The following KAZN variants were observed in gnomAD, a reference collection of about 807,000 sequenced individuals.
KAZN encodes the protein kazrin, periplakin interacting protein.
KAZN carries 40 observed loss-of-function variants against 87.4 expected under a neutral mutation model. The observed-to-expected ratio is 0.46, with a 90% confidence interval of 0.36 to 0.60. The LOEUF (loss-of-function observed/expected upper bound fraction) is 0.60, where lower values mean the gene tolerates loss of function less well. Ranked by LOEUF, KAZN falls within the 20% of genes least tolerant of loss-of-function variation. The probability of loss-of-function intolerance (pLI) is 0.00; values close to 1 mark genes in which losing one functional copy is unlikely to be tolerated. For synonymous variants in KAZN, 466 were observed against 458.3 expected (o/e 1.02, Z -0.22); for missense variants, 898 against 1,073.9 (o/e 0.84, Z 2.29).
intron 1 of KAZN, among the ~76,000 whole-genome samples, chr1:14,793,828 C>G (rs1254279572): frequency 6.6e-6 from 1 of 152,186 alleles, no homozygotes; most frequent in Non-Finnish European, 1.5e-5. Flanking sequence ...CCAGTGAGAC[C>G]TGAGATATAA....
intron 1 of KAZN, among the ~76,000 whole-genome samples, chr1:14,685,255 T>G (rs1050447799): frequency 6.6e-6 from 1 of 152,178 alleles, no homozygotes; most frequent in East Asian, 1.9e-4. Flanking sequence ...GGAGCTGGTA[T>G]AGAGCATGCT....
chr1:14,733,155 A>G (rs1033569173), intron 1 of KAZN, among the ~76,000 whole-genome samples: 1 of 152,140 alleles, frequency 6.6e-6, no homozygotes, highest in Non-Finnish European at 1.5e-5. Flanking sequence ...TTTCAGCCCC[A>G]GACTTTCTGA....
At chr1:14,149,594 C>A (rs1343530681) in intron 1 of KAZN, among the ~76,000 whole-genome samples, 1 of 152,116 alleles carries the variant, frequency 6.6e-6, no homozygotes, top group Non-Finnish European at 1.5e-5. Flanking sequence ...TGGGCGTTTT[C>A]ATCGGTCACC....
chr1:14,551,731 C>T (rs901986327), intron 2 of KAZN, among the ~76,000 whole-genome samples: 2 of 152,166 alleles, frequency 1.3e-5, no homozygotes, highest in Non-Finnish European at 2.9e-5. Flanking sequence ...ACCTGGTCCC[C>T]ATGCTCAAAC....
intron 2 of KAZN, among the ~76,000 whole-genome samples, chr1:14,481,261 T>C (rs1216144105): frequency 1.3e-5 from 2 of 152,180 alleles, no homozygotes; most frequent in Non-Finnish European, 2.9e-5. Context: ...TAAAAGTACC[T>C]ACTGCCTGGG....
intron 1 of KAZN, among the ~76,000 whole-genome samples, chr1:14,069,705 T>G (rs1461327702): frequency 6.6e-6 from 1 of 152,182 alleles, no homozygotes; most frequent in East Asian, 1.9e-4. Flanking sequence ...AAATCTTCCT[T>G]GGATTTCATG....
intron 2 of KAZN, among the ~76,000 whole-genome samples, chr1:14,326,332 A>G (rs1167943649): frequency 6.6e-6 from 1 of 152,080 alleles, no homozygotes; most frequent in African/African-American, 2.4e-5. Context: ...CATGTAACCC[A>G]TCTGGAAATT....
intron 2 of KAZN, among the ~76,000 whole-genome samples, chr1:14,346,470 G>T (rs1164407026): frequency 6.6e-6 from 1 of 152,166 alleles, no homozygotes; most frequent in African/African-American, 2.4e-5. Flanking sequence ...CCCTGGGAAA[G>T]CTTGGCAAGA....
chr1:15,107,430 A>C (rs2100731868), intron 13 of KAZN, among the ~76,000 whole-genome samples: 1 of 152,342 alleles, frequency 6.6e-6, no homozygotes, highest in East Asian at 1.9e-4. Flanking sequence ...ACATAAACCC[A>C]TCCAGAATGC....
At chr1:14,354,350 G>T (rs1227547757) in intron 2 of KAZN, among the ~76,000 whole-genome samples, 1 of 152,008 alleles carries the variant, frequency 6.6e-6, no homozygotes, top group Non-Finnish European at 1.5e-5. Context: ...CTCATCAAAA[G>T]ACACCATTAA....
At chr1:14,207,697 C>T (rs1411736078) in intron 2 of KAZN, among the ~76,000 whole-genome samples, 3 of 152,156 alleles carry the variant, frequency 2.0e-5, no homozygotes, top group Non-Finnish European at 2.9e-5. Flanking sequence ...TCATCTGTAT[C>T]CTGGCCATTT....
chr1:14,904,179 C>T (rs548034970), intron 1 of KAZN, among the ~76,000 whole-genome samples: 2 of 152,140 alleles, frequency 1.3e-5, no homozygotes, highest in African/African-American at 2.4e-5. Context: ...TTCCTTCCCA[C>T]GTGCCTCAAT....
intron 1 of KAZN, among the ~76,000 whole-genome samples, chr1:14,038,892 G>C (rs946615065): frequency 1.3e-5 from 2 of 152,152 alleles, no homozygotes; most frequent in African/African-American, 4.8e-5. Context: ...AAGGCCAGGC[G>C]CAGTGGCTCA....
At chr1:13,987,509 G>T (rs1387186366) in intron 1 of KAZN, among the ~76,000 whole-genome samples, 1 of 152,162 alleles carries the variant, frequency 6.6e-6, no homozygotes, top group Non-Finnish European at 1.5e-5. Context: ...ATTTCATGCT[G>T]CTATAACATA....
chr1:14,565,936 A>C (rs1674522713), intron 2 of KAZN, among the ~76,000 whole-genome samples: 1 of 152,094 alleles, frequency 6.6e-6, no homozygotes, highest in Admixed American at 6.5e-5. Flanking sequence ...AAAGTCATTC[A>C]TGACTTTGAG....
chr1:15,071,845 A>G (rs567907507), intron 8 of KAZN, among the ~76,000 whole-genome samples: 2 of 152,328 alleles, frequency 1.3e-5, no homozygotes, highest in South Asian at 2.1e-4. Context: ...ACTGGCTGGT[A>G]GCTTGTTTGC....
At chr1:14,768,688 T>C (rs1644947079) in intron 1 of KAZN, among the ~76,000 whole-genome samples, 1 of 152,198 alleles carries the variant, frequency 6.6e-6, no homozygotes, top group Non-Finnish European at 1.5e-5. Flanking sequence ...TCAATAATCC[T>C]AGAGCTCACA....
At position 15,099,304 on chromosome 1, in the gene KAZN, A is replaced by G. The variant is rs1184648437; in HGVS notation, c.1548-2239A>G. Among the ~76,000 whole-genome samples, 1 of 152,232 alleles carries G rather than the reference A, an allele frequency of 6.6e-6. No homozygotes were observed. Among genetic ancestry groups the G allele is most frequent in the African/African-American group, 2.4e-5 (1 of 41,468 alleles). On this transcript the variant is annotated intron_variant, in intron 10 of 14. Transcript: ENST00000376030. The surrounding 1 kb of genome is among the most constrained non-coding windows in gnomAD (Gnocchi z 5.4). Reference sequence around the variant, plus strand: ...GACTGTGCTGTTTGGCAGTGAACGCAGTTTCTGTCCTGAATGAGCTTATCT... The same window carrying G: ...GACTGTGCTGTTTGGCAGTGAACGCGGTTTCTGTCCTGAATGAGCTTATCT...
At chr1:14,700,767 T>C (rs1641878166) in intron 1 of KAZN, among the ~76,000 whole-genome samples, 1 of 152,158 alleles carries the variant, frequency 6.6e-6, no homozygotes, top group African/African-American at 2.4e-5. Context: ...TCCTTGCAGC[T>C]GTGCAGTCTC....
Sources: allele counts gnomAD v4.1 joint callset (sites outside exome capture counted in the v4.1 genomes callset), GRCh38; gene constraint gnomAD v4.1.1; non-coding constraint Gnocchi (gnomAD v3.1); transcripts MANE v1.5; gene names NCBI Gene and HGNC (gene_info 2026-07-23, HGNC 2026-07-21).